The following VPS37A variants were observed in gnomAD, a reference collection of about 807,000 sequenced individuals.
The protein encoded by VPS37A is vacuolar protein sorting-associated protein 37A.
VPS37A carries 30 observed loss-of-function variants against 49.8 expected under a neutral mutation model. The observed-to-expected ratio is 0.60, with a 90% CI of 0.45 to 0.82. The LOEUF is 0.82. VPS37A is among the 40% of genes least tolerant of loss of function. The pLI, the probability that VPS37A is intolerant of heterozygous loss-of-function variation, is 0.00. For synonymous variants in VPS37A, 195 were observed against 160.6 expected (o/e 1.21, Z -1.62); for missense variants, 593 against 464.4 (o/e 1.28, Z -2.55).
chr8:17,299,841 T>G, downstream of VPS37A: 1 of 1,612,562 alleles, frequency 6.2e-7, no homozygotes, highest in African/African-American at 1.3e-5. Flanking sequence ...GTCCTTTACT[T>G]TGGAACTCCA....
intron 4 of VPS37A, among the ~76,000 whole-genome samples, chr8:17,269,793 C>T (rs1195519751): frequency 6.6e-6 from 1 of 152,070 alleles, no homozygotes; most frequent in Non-Finnish European, 1.5e-5. Flanking sequence ...GGTTTACTGC[C>T]TTCCAGTAGC....
intron 11 of VPS37A, among the ~76,000 whole-genome samples, chr8:17,290,454 G>A (rs1816032992): frequency 6.6e-6 from 1 of 152,166 alleles, no homozygotes; most frequent in Non-Finnish European, 1.5e-5. Context: ...TTTTGTCATT[G>A]CCTCTGTTTA....
chr8:17,249,673 A>G (rs1563231605), intron 1 of VPS37A, among the ~76,000 whole-genome samples: 3 of 152,216 alleles, frequency 2.0e-5, no homozygotes, highest in South Asian at 2.1e-4. Flanking sequence ...GGTAAAAAAT[A>G]ATCTGTCTGT....
downstream of VPS37A, chr8:17,305,784 T>C (rs1262376042): frequency 1.2e-6 from 2 of 1,613,040 alleles, no homozygotes; most frequent in Admixed American, 3.3e-5. Flanking sequence ...CTTTTGGCTG[T>C]TACATAGGAA....
intron 11 of VPS37A, among the ~76,000 whole-genome samples, chr8:17,288,886 T>G (rs1179249909): frequency 9.9e-5 from 15 of 152,186 alleles, no homozygotes. Context: ...CATCTGTTGT[T>G]TCCTAACTTT....
chr8:17,310,259 C>T, the VPS37A span, among the ~76,000 whole-genome samples: 1 of 152,034 alleles, frequency 6.6e-6, no homozygotes, highest in Non-Finnish European at 1.5e-5. Flanking sequence ...CCTTAACCTC[C>T]CAAAATGCTG....
chr8:17,295,478 T>G lies in VPS37A; in HGVS notation c.*492T>G, dbSNP rs533301440. 2.0e-5 allele frequency: 3 copies of G among 152,750 alleles called. No individual in the cohort carries two copies. Among genetic ancestry groups the G allele is most frequent in the African/African-American group, 4.8e-5 (2 of 41,590 alleles). 9.5% of individuals were successfully genotyped at this position (152,750 alleles called of 1,614,324 possible). On this transcript the variant is annotated 3_prime_UTR_variant, in exon 12 of 12. Transcript: ENST00000324849. ...CAAAAGCAATTTAAGATATTCATAG[T>G]GTTAGGAAACACCAAACCTGCCTAT... is the stretch of plus-strand genomic sequence containing the variant.
At chr8:17,308,874 C>A in the VPS37A span, among the ~76,000 whole-genome samples, 8 of 152,204 alleles carry the variant, frequency 5.3e-5, no homozygotes, top group Non-Finnish European at 8.8e-5. Flanking sequence ...CACTCCGATA[C>A]AAATGCCTTA....
chr8:17,299,058 C>G (rs778468952), downstream of VPS37A: 1 of 152,186 alleles, frequency 6.6e-6, no homozygotes, highest in Non-Finnish European at 1.5e-5. Context: ...CTGGCCCACA[C>G]TGTCGGTAGT....
intron 1 of VPS37A, chr8:17,248,146 T>C (rs1259606888): frequency 8.1e-6 from 3 of 369,188 alleles, no homozygotes; most frequent in Non-Finnish European, 1.6e-5. Context: ...TGGTCTCTAA[T>C]GGTTTTCAAA....
downstream of VPS37A, chr8:17,299,694 A>AT (rs1816973293): frequency 1.2e-6 from 1 of 815,030 alleles, no homozygotes; most frequent in African/African-American, 1.7e-5. Context: ...CGTCCTCTTC[A>AT]GTATCTAAGA....
chr8:17,271,928 A>G, intron 4 of VPS37A: 1 of 451,666 alleles, frequency 2.2e-6, no homozygotes, highest in South Asian at 1.6e-5. Context: ...TTTCAAATCC[A>G]GGAAATCTCA....
chr8:17,282,795 A>G (rs1363875483), intron 9 of VPS37A, among the ~76,000 whole-genome samples: 1 of 152,050 alleles, frequency 6.6e-6, no homozygotes, highest in Non-Finnish European at 1.5e-5. Flanking sequence ...TTCTTTCTAG[A>G]TGTTCTCAGT....
At chr8:17,323,334 G>C in the VPS37A span, among the ~76,000 whole-genome samples, 1 of 151,990 alleles carries the variant, frequency 6.6e-6, no homozygotes, top group African/African-American at 2.4e-5. Context: ...TACATCCCTT[G>C]ACTCCACTTT....
At chr8:17,254,453 A>T (rs1045378690) in intron 1 of VPS37A, among the ~76,000 whole-genome samples, 4 of 152,150 alleles carry the variant, frequency 2.6e-5, no homozygotes, top group African/African-American at 9.7e-5. Flanking sequence ...CTGCTCCACG[A>T]ATGTCACCCT....
At chr8:17,254,544 G>A (rs776590543) in intron 1 of VPS37A, among the ~76,000 whole-genome samples, 1 of 152,058 alleles carries the variant, frequency 6.6e-6, no homozygotes, top group Non-Finnish European at 1.5e-5. Flanking sequence ...TGGTTCAAGG[G>A]CTTAGAGGAC....
At chr8:17,315,583 C>T in the VPS37A span, among the ~76,000 whole-genome samples, 4 of 152,132 alleles carry the variant, frequency 2.6e-5, no homozygotes, top group African/African-American at 4.8e-5. Context: ...AGCTGGGACT[C>T]TCCGTACCTT....
chr8:17,251,824 C>T (rs910621883), intron 1 of VPS37A, among the ~76,000 whole-genome samples: 2 of 152,118 alleles, frequency 1.3e-5, no homozygotes, highest in African/African-American at 4.8e-5. Context: ...CTGCGGATTC[C>T]GTTGTTCTGA....
At chr8:17,268,633 C>A (rs1005710475) in intron 3 of VPS37A, among the ~76,000 whole-genome samples, 1 of 152,096 alleles carries the variant, frequency 6.6e-6, no homozygotes, top group African/African-American at 2.4e-5. Flanking sequence ...AATATTTTGG[C>A]TCCATTTTTT....
Sources: allele counts gnomAD v4.1 joint callset (sites outside exome capture counted in the v4.1 genomes callset), GRCh38; gene constraint gnomAD v4.1.1; transcripts MANE v1.5; gene names NCBI Gene and HGNC (gene_info 2026-07-23, HGNC 2026-07-21).